SPMIP8: variants seen among roughly 807,000 people sequenced by gnomAD.
SPMIP8 encodes sperm microtubule inner protein 8, also known as testicular tissue protein Li 196.
At chr16:57,981,352 C>T in the SPMIP8 span, among the ~76,000 whole-genome samples, 1 of 144,164 alleles carries the variant, frequency 6.9e-6, no homozygotes, top group Non-Finnish European at 1.5e-5. Context: ...TGCACTCCAG[C>T]CTGGGCAACA....
At chr16:57,985,818 G>T in the SPMIP8 span, 1 of 1,481,906 alleles carries the variant, frequency 6.7e-7, no homozygotes, top group Non-Finnish European at 9.1e-7. Context: ...GAGGGATGGC[G>T]GGGAGAGGGG....
the SPMIP8 span, chr16:57,985,567 G>C: frequency 8.9e-6 from 14 of 1,577,072 alleles, no homozygotes; most frequent in Non-Finnish European, 1.1e-5. Flanking sequence ...CCACGCGCCC[G>C]GGGACCCCAT....
chr16:57,985,473 C>T, the SPMIP8 span: 1 of 1,613,956 alleles, frequency 6.2e-7, no homozygotes, highest in Non-Finnish European at 8.5e-7. Flanking sequence ...TCCCTGCTGC[C>T]CGCCTCAGTA....
chr16:57,985,594 A>T, the SPMIP8 span: 1 of 1,551,754 alleles, frequency 6.4e-7, no homozygotes, highest in Non-Finnish European at 8.7e-7. Context: ...AGGAGGGAGG[A>T]TGAGGTCTGG....
the SPMIP8 span, chr16:57,984,274 C>G: frequency 6.2e-7 from 1 of 1,606,290 alleles, no homozygotes; most frequent in Non-Finnish European, 8.5e-7. Context: ...GAAGGAGACA[C>G]CTCTTCTCCC....
At chr16:57,977,773 C>G in the SPMIP8 span, 6 of 1,581,328 alleles carry the variant, frequency 3.8e-6, no homozygotes, top group Non-Finnish European at 4.3e-6. Context: ...GTCTGGCCAG[C>G]ATGAGCCCAG....
chr16:57,984,213 T>G, the SPMIP8 span: 1,290 of 1,402,950 alleles, frequency 9.2e-4, 12 homozygotes, highest in African/African-American at 0.015. Context: ...CTCAAAAAAT[T>G]TTTAAAGTAC....
chr16:57,987,764 G>A, the SPMIP8 span: 1 of 294,322 alleles, frequency 3.4e-6, no homozygotes, highest in Non-Finnish European at 6.3e-6. Context: ...AGATCCAAGA[G>A]CAAGAGATGT....
At chr16:57,984,996 T>C in the SPMIP8 span, among the ~76,000 whole-genome samples, 1 of 151,658 alleles carries the variant, frequency 6.6e-6, no homozygotes. Flanking sequence ...GAGGCAGGAC[T>C]GCCCTTGGGG....
At chr16:57,985,408 C>T in the SPMIP8 span, 4 of 1,611,354 alleles carry the variant, frequency 2.5e-6, no homozygotes, top group Non-Finnish European at 2.5e-6. Context: ...TAGCAGGAAG[C>T]CCTGTGTGGG....
the SPMIP8 span, among the ~76,000 whole-genome samples, chr16:57,982,599 T>C: frequency 1.3e-5 from 2 of 152,260 alleles, no homozygotes; most frequent in Non-Finnish European, 2.9e-5. Context: ...ATGCCGTGTT[T>C]GCCATAATGC....
the SPMIP8 span, among the ~76,000 whole-genome samples, chr16:57,981,544 C>A: frequency 9.5e-6 from 1 of 104,846 alleles, no homozygotes; most frequent in Non-Finnish European, 1.8e-5. Context: ...CAGAGTCTCA[C>A]TCTGTCACCC....
At chr16:57,977,997 C>A in the SPMIP8 span, 1 of 1,614,172 alleles carries the variant, frequency 6.2e-7, no homozygotes, top group Non-Finnish European at 8.5e-7. Flanking sequence ...CAAGGCCTGC[C>A]TTCCTGATGA....
At chr16:57,984,893 G>A in the SPMIP8 span, 1 of 1,464,944 alleles carries the variant, frequency 6.8e-7, no homozygotes, top group South Asian at 1.4e-5. Context: ...GGACGGGAAC[G>A]CAGGCGGCGG....
chr16:57,977,705 A>G, the SPMIP8 span: 1 of 1,224,874 alleles, frequency 8.2e-7, no homozygotes, highest in Non-Finnish European at 1.2e-6. Flanking sequence ...GGTGCTAAAT[A>G]AATGTTTGGC....
the SPMIP8 span, among the ~76,000 whole-genome samples, chr16:57,983,912 C>T: frequency 9.2e-5 from 14 of 151,482 alleles, no homozygotes; most frequent in African/African-American, 3.4e-4. Context: ...CGTGCCCAGC[C>T]TTTTTTTTCT....
the SPMIP8 span, among the ~76,000 whole-genome samples, chr16:57,983,744 T>C: frequency 1.3e-5 from 2 of 152,130 alleles, no homozygotes; most frequent in South Asian, 2.1e-4. Flanking sequence ...CCCTAGTAGC[T>C]GGGACTACAG....
At chr16:57,977,505 C>A in the SPMIP8 span, among the ~76,000 whole-genome samples, 40 of 151,784 alleles carry the variant, frequency 2.6e-4, no homozygotes, top group African/African-American at 8.9e-4. Context: ...TAACCCCAGC[C>A]TCCCCAGAAA....
At chr16:57,983,468 T>C in the SPMIP8 span, among the ~76,000 whole-genome samples, 1 of 152,186 alleles carries the variant, frequency 6.6e-6, no homozygotes, top group African/African-American at 2.4e-5. Context: ...GGATTTTTAA[T>C]TAAAATTATT....
Sources: allele counts gnomAD v4.1 joint callset (sites outside exome capture counted in the v4.1 genomes callset), GRCh38; gene constraint gnomAD v4.1.1; transcripts MANE v1.5; gene names NCBI Gene and HGNC (gene_info 2026-07-23, HGNC 2026-07-21).